The following CBLB variants were observed in gnomAD, a reference collection of about 807,000 sequenced individuals.
CBLB encodes Cbl proto-oncogene B.
Under a neutral mutation model 104.9 loss-of-function variants are expected in CBLB, and 31 were observed. That is an observed-to-expected ratio of 0.30 (90% CI 0.22 to 0.40). The LOEUF (loss-of-function observed/expected upper bound fraction) is 0.40, where lower values mean the gene tolerates loss of function less well. Among genes scored for constraint, CBLB ranks in the 10% least tolerant of loss-of-function variants. The pLI is 1.00. For missense variants in CBLB, 1,062 were observed against 1,214.6 expected, an observed-to-expected ratio of 0.87 and a Z score of 1.87; for synonymous variants, 440 against 422.6, an observed-to-expected ratio of 1.04 and a Z score of -0.51.
intron 2 of CBLB, among the ~76,000 whole-genome samples, chr3:105,859,725 T>G (rs562890515): frequency 1.2e-4 from 18 of 151,772 alleles, no homozygotes; most frequent in African/African-American, 4.1e-4. Context: ...AGAGGTTTCT[T>G]ATTACAGTGA....
chr3:105,808,969 C>T (rs1474386016), intron 3 of CBLB, among the ~76,000 whole-genome samples: 1 of 152,154 alleles, frequency 6.6e-6, no homozygotes, highest in Non-Finnish European at 1.5e-5. Flanking sequence ...TCACTGTCAG[C>T]TGCTCAAAAG....
chr3:105,733,335 C>T (rs1226163346), intron 9 of CBLB, among the ~76,000 whole-genome samples: 3 of 146,474 alleles, frequency 2.0e-5, no homozygotes, highest in South Asian at 2.1e-4. Flanking sequence ...CCAGCCTGGG[C>T]GACAGAGCAA....
chr3:105,740,590 G>T lies in CBLB; in HGVS notation c.887C>A (p.Ala296Asp), dbSNP rs1181342660. 6.2e-7 allele frequency: 1 copy of T among 1,613,622 alleles called. No individual in the cohort carries two copies. Among genetic ancestry groups the T allele is most frequent in the Non-Finnish European group, 8.5e-7 (1 of 1,179,736 alleles). ...RLSCTRLGQW[A>D]IGYVTGDGNI... ...CCCATCCCCAGTCACATAGCCAATGGCCCACTGTCCCAATCGAGTGCAACT... is the reference window on the plus strand; with the variant it reads ...CCCATCCCCAGTCACATAGCCAATGTCCCACTGTCCCAATCGAGTGCAACT... The change falls in exon 7 of 19, where the codon GCC becomes GAC. Residue 296 changes from alanine (A) to aspartate (D), a missense_variant. This residue lies in a region of CBLB where 457 missense variants were observed against 632.0 expected (regional missense o/e 0.72). Coordinates refer to ENST00000394030, the MANE Select transcript of CBLB (RefSeq NM_170662.5).
At chr3:105,724,077 T>C (rs1489548963) in intron 9 of CBLB, 2 of 173,408 alleles carry the variant, frequency 1.2e-5, no homozygotes, top group African/African-American at 4.7e-5. Context: ...TTTTTAAACA[T>C]AGCAATTATA....
intron 18 of CBLB, among the ~76,000 whole-genome samples, chr3:105,660,165 C>A (rs1452176326): frequency 6.6e-6 from 1 of 152,070 alleles, no homozygotes; most frequent in East Asian, 1.9e-4. Flanking sequence ...AAAGCCTAGA[C>A]AAAAAATACA....
At chr3:105,738,440 A>G (rs1337319313) in intron 7 of CBLB, among the ~76,000 whole-genome samples, 2 of 152,146 alleles carry the variant, frequency 1.3e-5, no homozygotes, top group African/African-American at 4.8e-5. Context: ...GGTGTGTTAC[A>G]AAATTTGACA....
Position 105,657,413 on chromosome 3 carries a change from G to A in CBLB, c.*1557C>T, listed in dbSNP as rs1018143495. The A allele has an allele frequency of 1.4e-5, 3 of 213,512 alleles. No individual in the cohort carries two copies. Among genetic ancestry groups the A allele is most frequent in the African/African-American group, 6.8e-5 (3 of 44,232 alleles). The allele number at this position is 213,512 out of a possible 1,614,324, so 13.2% of individuals were successfully genotyped here. A position where few individuals can be genotyped will look rare whatever the true frequency, so the allele number is the denominator to read the frequency against. ...TTCTGTGGGTTCAAGCATTTACACA[G>A]AGATGATTTTATCTCATTTCTCCAT... On this transcript the variant is annotated 3_prime_UTR_variant, in exon 19 of 19. Coordinates refer to ENST00000394030, the MANE Select transcript of CBLB (RefSeq NM_170662.5).
In CBLB at chr3:105,774,753, T is replaced by TA. The variant is rs201331572; in HGVS notation, c.566+1642dup. On this transcript the variant is annotated intron_variant, in intron 4 of 18. Transcript: ENST00000394030. ...GTACCAGCAAAGTAAACTCCTCTCT[T>TA]AAAAAAAACCTGTGAGCAATCTTTC... Among the ~76,000 whole-genome samples, 1,160 of 152,108 alleles carry TA rather than the reference T, an allele frequency of 7.6e-3. 7 individuals are homozygous for TA. Among genetic ancestry groups the TA allele is most frequent in the Middle Eastern group, 0.031 (9 of 294 alleles).
intron 17 of CBLB, among the ~76,000 whole-genome samples, chr3:105,677,300 C>G (rs1705021626): frequency 6.7e-6 from 1 of 149,868 alleles, no homozygotes; most frequent in African/African-American, 2.5e-5. Context: ...ACGTCCATAA[C>G]TTGTGTGTCT....
intron 3 of CBLB, among the ~76,000 whole-genome samples, chr3:105,780,952 C>T (rs568482003): frequency 6.8e-4 from 104 of 152,064 alleles, no homozygotes; most frequent in African/African-American, 2.3e-3. Context: ...TGAGCCACCA[C>T]GCCTGGCCAA....
At chr3:105,713,206 T>A (rs1576540925) in intron 10 of CBLB, among the ~76,000 whole-genome samples, 1 of 152,074 alleles carries the variant, frequency 6.6e-6, no homozygotes, top group Admixed American at 6.6e-5. Flanking sequence ...ACTCATTTAA[T>A]CTTAAAGAGG....
intron 9 of CBLB, among the ~76,000 whole-genome samples, chr3:105,733,087 T>C (rs2074499985): frequency 6.6e-6 from 1 of 152,084 alleles, no homozygotes; most frequent in Non-Finnish European, 1.5e-5. Context: ...AGAAAGCCCT[T>C]GGGCTCACAC....
chr3:105,721,790 G>A (rs1195000173), intron 9 of CBLB, among the ~76,000 whole-genome samples: 2 of 151,950 alleles, frequency 1.3e-5, no homozygotes, highest in Admixed American at 1.3e-4. Flanking sequence ...TAACACAGGA[G>A]TAAATATTTA....
chr3:105,680,017 C>G (rs1350652161), intron 16 of CBLB, among the ~76,000 whole-genome samples: 5 of 152,010 alleles, frequency 3.3e-5, no homozygotes, highest in Non-Finnish European at 7.4e-5. Flanking sequence ...AAGGCTCTGA[C>G]TCAAGGAGCT....
intron 4 of CBLB, among the ~76,000 whole-genome samples, chr3:105,764,800 C>G (rs1279786150): frequency 6.6e-6 from 1 of 152,174 alleles, no homozygotes; most frequent in East Asian, 1.9e-4. Context: ...ATTAGAAATG[C>G]TACTTCAGTG....
chr3:105,779,208 A>G (rs1250804276), intron 3 of CBLB, among the ~76,000 whole-genome samples: 1 of 152,226 alleles, frequency 6.6e-6, no homozygotes, highest in Non-Finnish European at 1.5e-5. Flanking sequence ...AACGCCAGTG[A>G]TTACCCACCC....
At chr3:105,858,694 C>A (rs988312623) in intron 2 of CBLB, among the ~76,000 whole-genome samples, 2 of 152,152 alleles carry the variant, frequency 1.3e-5, no homozygotes, top group Non-Finnish European at 2.9e-5. Context: ...TAGCCATTGA[C>A]TCAAAAAATT....
chr3:105,860,871 TC>T (rs2092025806), intron 2 of CBLB, among the ~76,000 whole-genome samples: 1 of 152,218 alleles, frequency 6.6e-6, no homozygotes, highest in African/African-American at 2.4e-5. Context: ...AGGTCAGTGT[TC>T]CTGTCAGCTG....
Position 105,853,507 on chromosome 3 carries a change from A to G in CBLB, c.326T>C (p.Ile109Thr), listed in dbSNP as rs370526652. 4 of 1,613,608 alleles carry G rather than the reference A, an allele frequency of 2.5e-6. No homozygotes were observed. The highest frequency in any genetic ancestry group is 3.4e-6 in the Non-Finnish European group (4 of 1,179,670). Residue 109 changes from isoleucine to threonine, a missense_variant, in exon 3 of 19, where the codon ATC (isoleucine) becomes ACC (threonine). This residue lies in a region of CBLB where 457 missense variants were observed against 632.0 expected (regional missense o/e 0.72). Coordinates refer to ENST00000394030, the MANE Select transcript of CBLB (RefSeq NM_170662.5). ...AQLSENEYFK[I>T]YIDSLMKKSK... ...CTTTTTCATAAGGCTATCAATGTAG[A>G]TTTTAAAGTACTCATTCTCACTGAG...
Sources: allele counts gnomAD v4.1 joint callset (sites outside exome capture counted in the v4.1 genomes callset), GRCh38; gene constraint gnomAD v4.1.1; regional missense constraint gnomAD v4.1.1; transcripts MANE v1.5; gene names NCBI Gene and HGNC (gene_info 2026-07-23, HGNC 2026-07-21).